The following VAC14 variants were observed in gnomAD, a reference collection of about 807,000 sequenced individuals.
The protein encoded by VAC14 is protein VAC14 homolog.
In VAC14, 47 loss-of-function variants were observed where a neutral mutation model predicts 85.3. That is an observed-to-expected ratio of 0.55 (90% CI 0.44 to 0.70). The LOEUF (loss-of-function observed/expected upper bound fraction) is 0.70. Among genes scored for constraint, VAC14 ranks in the 30% least tolerant of loss-of-function variants. VAC14 has a pLI of 0.00. For synonymous variants in VAC14, 447 were observed against 430.5 expected, an observed-to-expected ratio of 1.04 and a Z score of -0.47; for missense variants, 861 against 1,004.3, an observed-to-expected ratio of 0.86 and a Z score of 1.93.
At chr16:70,748,117 AC>A (rs1263070352) in intron 12 of VAC14, among the ~76,000 whole-genome samples, 2 of 149,242 alleles carry the variant, frequency 1.3e-5, no homozygotes, top group Admixed American at 6.6e-5. Context: ...TCCACCTCAA[AC>A]CCAGCTCTGG....
intron 13 of VAC14, among the ~76,000 whole-genome samples, chr16:70,742,324 T>C (rs928384119): frequency 6.6e-6 from 1 of 152,088 alleles, no homozygotes; most frequent in African/African-American, 2.4e-5. Flanking sequence ...TTCTTGCTGC[T>C]CCTCCCCACC....
In VAC14 at chr16:70,785,683, G is replaced by A; in HGVS notation, c.423+19C>T. 6.5e-7 allele frequency: 1 copy of A among 1,544,544 alleles called. No homozygotes were observed. Among genetic ancestry groups the A allele is most frequent in the Non-Finnish European group, 8.8e-7 (1 of 1,142,544 alleles). On this transcript the variant is annotated intron_variant, in intron 3 of 18. Coordinates refer to ENST00000261776, the MANE Select transcript of VAC14 (RefSeq NM_018052.5). ...GGAACCAAGCGCAGCTCAGTGAGGA[G>A]GAGGAGGAGGGCGGTTACCTTGCTC...
intron 1 of VAC14, among the ~76,000 whole-genome samples, chr16:70,795,535 C>T (rs529138046): frequency 7.3e-5 from 11 of 150,162 alleles, no homozygotes; most frequent in South Asian, 6.3e-4. Flanking sequence ...CCCTCTGAAG[C>T]GATACATGAC....
Position 70,698,620 on chromosome 16 carries a change from T to C in VAC14, c.1836+17A>G. Reference sequence around the variant, plus strand: ...ATGCAGGAGACGCCTGAGGATGGAGTCCCGGACGCAGCCTACCAGGGTCTT... The same window carrying C: ...ATGCAGGAGACGCCTGAGGATGGAGCCCCGGACGCAGCCTACCAGGGTCTT... On this transcript the variant is annotated intron_variant, in intron 15 of 18. Coordinates refer to ENST00000261776, the MANE Select transcript of VAC14 (RefSeq NM_018052.5). 6.2e-7 allele frequency: 1 copy of C among 1,613,562 alleles called. No individual in the cohort carries two copies. The highest frequency in any genetic ancestry group is 2.2e-5 in the East Asian group (1 of 44,854).
chr16:70,734,047 C>G (rs1163763116), intron 13 of VAC14, among the ~76,000 whole-genome samples: 1 of 152,186 alleles, frequency 6.6e-6, no homozygotes, highest in Non-Finnish European at 1.5e-5. Flanking sequence ...TGGTCTCAAT[C>G]TCCTGATCTC....
At chr16:70,768,496 C>T (rs896109898) in intron 10 of VAC14, 2 of 249,282 alleles carry the variant, frequency 8.0e-6, no homozygotes, top group Admixed American at 5.2e-5. Flanking sequence ...TTCCACCTCC[C>T]ATGTATTTCC....
chr16:70,724,156 C>T (rs2054362609), intron 14 of VAC14, among the ~76,000 whole-genome samples: 1 of 152,198 alleles, frequency 6.6e-6, no homozygotes, highest in South Asian at 2.1e-4. Context: ...TCCTCTACTC[C>T]CCTCATACCC....
At chr16:70,738,218 AG>A (rs2054823839) in intron 13 of VAC14, among the ~76,000 whole-genome samples, 1 of 152,092 alleles carries the variant, frequency 6.6e-6, no homozygotes, top group Non-Finnish European at 1.5e-5. Context: ...GAGGCTGAGC[AG>A]GGTCTTGGGG....
In VAC14 at chr16:70,691,409, C is replaced by T. The variant is rs975547482; in HGVS notation, c.2186+1412G>A. 21 of 985,452 alleles carry T rather than the reference C, an allele frequency of 2.1e-5. No homozygotes were observed. The African/African-American group carries it at 2.4e-4, about 11-fold the overall frequency. The allele number at this position is 985,452 out of a possible 1,614,324, so 61.0% of individuals were successfully genotyped here. ...CCAGGTTGACCCTAACACTATGGGG[C>T]GTTGAAGGGCCAAGGCAAAGGCTGG... On this transcript the variant is annotated intron_variant, in intron 18 of 18. Transcript: ENST00000261776.
At chr16:70,789,601 TGA>T (rs1172478088) in intron 1 of VAC14, among the ~76,000 whole-genome samples, 1 of 152,238 alleles carries the variant, frequency 6.6e-6, no homozygotes, top group Non-Finnish European at 1.5e-5. Context: ...AGTTTAATCG[TGA>T]GAGACTGAAT....
chr16:70,796,952 G>C (rs1407416004), intron 1 of VAC14, among the ~76,000 whole-genome samples: 3 of 152,170 alleles, frequency 2.0e-5, no homozygotes, highest in Non-Finnish European at 4.4e-5. Flanking sequence ...CACCAGGCTG[G>C]GGCAGTGGCT....
At chr16:70,737,180 C>T (rs940795573) in intron 13 of VAC14, among the ~76,000 whole-genome samples, 1 of 152,242 alleles carries the variant, frequency 6.6e-6, no homozygotes, top group African/African-American at 2.4e-5. Flanking sequence ...CTCTTCCGCC[C>T]ACCTCCGGCT....
intron 14 of VAC14, among the ~76,000 whole-genome samples, chr16:70,703,879 A>G (rs1220412558): frequency 2.0e-5 from 3 of 152,228 alleles, no homozygotes; most frequent in Non-Finnish European, 2.9e-5. Context: ...GGCAGCCTCC[A>G]AGGCCAAGGC....
intron 14 of VAC14, among the ~76,000 whole-genome samples, chr16:70,711,984 C>T (rs1466632965): frequency 1.3e-5 from 2 of 152,098 alleles, no homozygotes; most frequent in African/African-American, 4.8e-5. Flanking sequence ...GGTGCCACAG[C>T]CGTAGTGGTG....
intron 14 of VAC14, among the ~76,000 whole-genome samples, chr16:70,710,423 T>C (rs2054007558): frequency 6.6e-6 from 1 of 152,154 alleles, no homozygotes. Flanking sequence ...TCTGCCATTT[T>C]CCCCTGCAAA....
chr16:70,723,231 A>C (rs1459684651), intron 14 of VAC14, among the ~76,000 whole-genome samples: 1 of 151,768 alleles, frequency 6.6e-6, no homozygotes. Context: ...CAAAAGAAAA[A>C]AAAAAAGATT....
chr16:70,787,130 C>G (rs764931436), intron 1 of VAC14, among the ~76,000 whole-genome samples: 40 of 152,176 alleles, frequency 2.6e-4, no homozygotes, highest in Non-Finnish European at 4.6e-4. Flanking sequence ...ATGACACGCT[C>G]AGCCCCATGT....
intron 13 of VAC14, among the ~76,000 whole-genome samples, chr16:70,739,945 C>A (rs1359371134): frequency 2.6e-5 from 4 of 152,146 alleles, no homozygotes; most frequent in Admixed American, 1.3e-4. Context: ...GCAAGGTATA[C>A]TGACATGAAC....
At position 70,762,839 on chromosome 16, in the gene VAC14, G is replaced by A. The variant is rs368310779; in HGVS notation, c.1305+42C>T. ...GGGCAGGCCCTGGAAAACCAAGGCG[G>A]ACCCAGAAGAGGCCCCTGGCTTGGA... On this transcript the variant is annotated intron_variant, in intron 11 of 18. Coordinates refer to ENST00000261776, the MANE Select transcript of VAC14 (RefSeq NM_018052.5). The surrounding 1 kb of genome is among the most constrained non-coding windows in gnomAD (Gnocchi z 4.1). The A allele has an allele frequency of 5.6e-6, 9 of 1,612,902 alleles. No homozygotes were observed. In the African/African-American group the frequency reaches 8.0e-5, roughly 14 times the overall value.
Sources: gnomAD v4.1 joint callset for allele counts (sites outside exome capture counted in the v4.1 genomes callset) on GRCh38, gnomAD v4.1.1 for gene constraint, Gnocchi (gnomAD v3.1) non-coding constraint, MANE v1.5 for transcripts, NCBI Gene and HGNC (gene_info 2026-07-23, HGNC 2026-07-21) for gene names.